The following BRAF variants were observed in gnomAD, a reference collection of about 807,000 sequenced individuals.
BRAF encodes the protein B-Raf proto-oncogene, serine/threonine kinase.
In BRAF, 16 loss-of-function variants were observed where a neutral mutation model predicts 104.6. That is an observed-to-expected ratio of 0.15 (90% CI 0.10 to 0.23). BRAF has a LOEUF of 0.23. Ranked by LOEUF, BRAF falls within the 10% of genes least tolerant of loss-of-function variation. BRAF has a pLI of 1.00. For synonymous variants in BRAF, 310 were observed against 341.6 expected (o/e 0.91, Z 1.02); for missense variants, 541 against 937.3 (o/e 0.58, Z 5.52).
chr7:140,804,214 AT>A (rs570479952), intron 5 of BRAF, among the ~76,000 whole-genome samples: 4 of 146,076 alleles, frequency 2.7e-5, no homozygotes, highest in Non-Finnish European at 4.5e-5. Flanking sequence ...TTTTTCAGAG[AT>A]TTTTTTTTTG....
intron 14 of BRAF, among the ~76,000 whole-genome samples, chr7:140,765,875 T>C (rs1461019369): frequency 6.9e-6 from 1 of 145,580 alleles, no homozygotes; most frequent in East Asian, 2.0e-4. Context: ...GTTCAACCTT[T>C]GTGGAAGTCA....
At chr7:140,902,043 C>T (rs7796827) in intron 1 of BRAF, among the ~76,000 whole-genome samples, 45,679 of 152,086 alleles carry the variant, frequency 0.3, 10,959 homozygotes, top group African/African-American at 0.67. Flanking sequence ...CATGCTTCAT[C>T]ATATTGTGCT....
rs886042293 is a variant in BRAF at position 140,924,591 on chromosome 7, G to A, written c.113C>T (p.Ala38Val). Residue 38 changes from alanine (A) to valine (V), a missense_variant, in exon 1 of 20, where the codon GCT (alanine) becomes GTT (valine). Coordinates refer to ENST00000644969, the MANE Select transcript of BRAF (RefSeq NM_001374258.1). The surrounding 1 kb of genome is among the most constrained non-coding windows in gnomAD (Gnocchi z 4.2). ...CTCCTCCGGAATGGCAGGGTCCGCA[G>A]CCGAAGAGGCCGCGGCGCCGGCGCC... The part of the protein sequence containing the change: ...GAGAGAAASS[A>V]ADPAIPEEVW... 3.3e-6 allele frequency: 5 copies of A among 1,530,076 alleles called. No individual in the cohort carries two copies. Among genetic ancestry groups the A allele is most frequent in the African/African-American group, 2.8e-5 (2 of 72,702 alleles). The allele number at this position is 1,530,076 out of a possible 1,614,324, so 94.8% of individuals were successfully genotyped here. A position where few individuals can be genotyped will look rare whatever the true frequency, so the allele number is the denominator to read the frequency against.
chr7:140,906,075 G>A (rs1334410924), intron 1 of BRAF, among the ~76,000 whole-genome samples: 12 of 88,134 alleles, frequency 1.4e-4, no homozygotes, highest in Non-Finnish European at 3.9e-5. Context: ...GCAACAGAGC[G>A]AGACTCCGTC....
intron 8 of BRAF, among the ~76,000 whole-genome samples, chr7:140,793,356 G>T (rs1802171955): frequency 6.6e-6 from 1 of 152,116 alleles, no homozygotes; most frequent in African/African-American, 2.4e-5. Context: ...TTGCTAGATA[G>T]AGGTGAACCT....
chr7:140,803,087 G>A (rs77971695), intron 5 of BRAF, among the ~76,000 whole-genome samples: 59 of 152,226 alleles, frequency 3.9e-4, no homozygotes, highest in African/African-American at 1.4e-3. Flanking sequence ...GTAACATTCC[G>A]TGCAGGTTAT....
At chr7:140,829,119 T>G (rs1267038745) in intron 3 of BRAF, among the ~76,000 whole-genome samples, 2 of 151,876 alleles carry the variant, frequency 1.3e-5, no homozygotes, top group Middle Eastern at 3.2e-3. Flanking sequence ...TTCAGAAGAC[T>G]ATTTACTTCT....
intron 17 of BRAF, among the ~76,000 whole-genome samples, chr7:140,743,822 C>T (rs545477712): frequency 6.6e-6 from 1 of 152,218 alleles, no homozygotes; most frequent in Admixed American, 6.5e-5. Context: ...TTTCTAAATA[C>T]TGGTGTCAAA....
At position 140,720,744 on chromosome 7, in the gene BRAF, T is replaced by C. The variant is rs775358041; in HGVS notation, c.*5750A>G. ...GTTGTTTATGCTAGTTTGCAGTGAC[T>C]TCCAACTCATACTCCACCAAAACAC... On this transcript the variant is annotated 3_prime_UTR_variant, in exon 20 of 20. Transcript: ENST00000644969. 2.5e-5 allele frequency: 27 copies of C among 1,065,930 alleles called. No homozygotes were observed. The highest frequency in any genetic ancestry group is 3.3e-5 in the African/African-American group (2 of 61,118). 66.0% of individuals were successfully genotyped at this position (1,065,930 alleles called of 1,614,324 possible).
chr7:140,839,594 G>C (rs980309498), intron 2 of BRAF, among the ~76,000 whole-genome samples: 14 of 152,088 alleles, frequency 9.2e-5, no homozygotes, highest in African/African-American at 3.4e-4. Context: ...GCTGGGCATG[G>C]TGGCATGCAC....
At chr7:140,847,557 C>A (rs914153888) in intron 2 of BRAF, among the ~76,000 whole-genome samples, 3 of 151,340 alleles carry the variant, frequency 2.0e-5, no homozygotes, top group African/African-American at 7.3e-5. Context: ...CACTCCAGCC[C>A]GGGAGACAGC....
At chr7:140,795,773 T>C (rs1733826) in intron 7 of BRAF, among the ~76,000 whole-genome samples, 146,391 of 152,284 alleles carry the variant, frequency 0.96, 70,435 homozygotes, top group East Asian at 1. Context: ...TAATAAAATA[T>C]TATGTACTAA....
intron 1 of BRAF, among the ~76,000 whole-genome samples, chr7:140,902,086 T>C (rs1815714256): frequency 6.6e-6 from 1 of 152,274 alleles, no homozygotes; most frequent in African/African-American, 2.4e-5. Context: ...TAATGGTTTT[T>C]GTTTGTTTTT....
chr7:140,896,589 G>A (rs1331196139), intron 1 of BRAF, among the ~76,000 whole-genome samples: 5 of 151,912 alleles, frequency 3.3e-5, no homozygotes, highest in African/African-American at 1.2e-4. Flanking sequence ...ACATGGCCCA[G>A]GCGCGGTGGC....
chr7:140,801,243 G>T (rs916322891), intron 6 of BRAF, 169 bp downstream of exon 6: 1 of 671,016 alleles, frequency 1.5e-6, no homozygotes, highest in Non-Finnish European at 2.5e-6. Flanking sequence ...ATTTGGGAGA[G>T]AAATACTGTC....
rs1264766156 is a variant in BRAF at position 140,787,574 on chromosome 7, C to T, written c.1151G>A (p.Arg384Lys). The T allele has an allele frequency of 6.2e-7, 1 of 1,612,488 alleles. No homozygotes were observed. The highest frequency in any genetic ancestry group is 2.2e-5 in the East Asian group (1 of 44,774). The change falls in exon 9 of 20, where the codon AGA becomes AAA. Residue 384 changes from arginine to lysine, a missense_variant. By Grantham distance (26) the Arg-to-Lys change is conservative. Coordinates refer to ENST00000644969, the MANE Select transcript of BRAF (RefSeq NM_001374258.1). Reference protein sequence around the residue: ...IEPVNIDDLIRDQGFRGDGAP... With the variant: ...IEPVNIDDLIKDQGFRGDGAP... ...TCCATCACCACGAAATCCTTGGTCT[C>T]TAATCAAGTCCTACAAATAAATAGT...
chr7:140,749,082 T>C (rs376225047), intron 17 of BRAF: 18 of 550,610 alleles, frequency 3.3e-5, no homozygotes, highest in South Asian at 3.2e-4. Flanking sequence ...TTTTATTCCA[T>C]TGTAACATTC....
chr7:140,820,457 T>C (rs1805355280), intron 3 of BRAF, among the ~76,000 whole-genome samples: 1 of 152,110 alleles, frequency 6.6e-6, no homozygotes, highest in Non-Finnish European at 1.5e-5. Context: ...CTAAATGAGA[T>C]ACAACTACTC....
intron 14 of BRAF, among the ~76,000 whole-genome samples, chr7:140,755,782 T>C (rs993253626): frequency 1.3e-5 from 2 of 151,896 alleles, no homozygotes; most frequent in African/African-American, 4.8e-5. Flanking sequence ...TGGTGAGATC[T>C]TGTCTCCATT....
Sources: allele counts gnomAD v4.1 joint callset (sites outside exome capture counted in the v4.1 genomes callset), GRCh38; gene constraint gnomAD v4.1.1; non-coding constraint Gnocchi (gnomAD v3.1); transcripts MANE v1.5; gene names NCBI Gene and HGNC (gene_info 2026-07-23, HGNC 2026-07-21).